DCDC2: variants seen among roughly 807,000 people sequenced by gnomAD.
The protein encoded by DCDC2 is doublecortin domain containing 2, also known as doublecortin domain-containing protein 2.
In DCDC2, 40 loss-of-function variants were observed where a neutral mutation model predicts 50.2. The ratio of observed to expected loss-of-function variants is 0.80; its 90% CI spans 0.62 to 1.04. The LOEUF (loss-of-function observed/expected upper bound fraction) is 1.04. Among genes scored for constraint, DCDC2 ranks in the 50% least tolerant of loss-of-function variants. DCDC2 has a pLI of 0.00. For missense variants in DCDC2, 570 were observed against 581.9 expected (o/e 0.98, Z 0.21); for synonymous variants, 234 against 210.6 (o/e 1.11, Z -0.96).
intron 2 of DCDC2, among the ~76,000 whole-genome samples, chr6:24,333,500 T>A (rs900159432): frequency 6.6e-6 from 1 of 152,170 alleles, no homozygotes; most frequent in Non-Finnish European, 1.5e-5. Flanking sequence ...ACAGTACTTA[T>A]CTTTGCTATC....
chr6:24,281,316 A>G (rs1161245411), intron 6 of DCDC2, among the ~76,000 whole-genome samples: 1 of 151,820 alleles, frequency 6.6e-6, no homozygotes, highest in Non-Finnish European at 1.5e-5. Flanking sequence ...ATTGTTTTGT[A>G]ATTAGAAAAT....
intron 6 of DCDC2, among the ~76,000 whole-genome samples, chr6:24,288,205 A>G (rs997906846): frequency 6.6e-6 from 1 of 152,222 alleles, no homozygotes; most frequent in Non-Finnish European, 1.5e-5. Context: ...CAATTCAACC[A>G]AAAGGGAAGA....
chr6:24,365,698 T>A, the DCDC2 span: 1 of 152,232 alleles, frequency 6.6e-6, no homozygotes, highest in Non-Finnish European at 1.5e-5. Flanking sequence ...CAGATAAGAT[T>A]AGCATAAGTT....
At chr6:24,236,989 A>G (rs1392789907) in intron 7 of DCDC2, among the ~76,000 whole-genome samples, 1 of 149,258 alleles carries the variant, frequency 6.7e-6, no homozygotes, top group Non-Finnish European at 1.5e-5. Context: ...AGCCTGGGCT[A>G]CAAGAGCAAA....
At position 24,184,762 on chromosome 6, in the gene DCDC2, T is replaced by C. The variant is rs868708621; in HGVS notation, c.1024-6130A>G. Among the ~76,000 whole-genome samples, 6 of 152,282 alleles carry C rather than the reference T, an allele frequency of 3.9e-5. No homozygotes were observed. The South Asian group carries it at 1.2e-3, about 32-fold the overall frequency. Reference sequence around the variant, plus strand: ...TAATGGCCAATAGGAACAGATTTCTTTTTAAATTACCTCTGAAAATTGGAT... The same window carrying C: ...TAATGGCCAATAGGAACAGATTTCTCTTTAAATTACCTCTGAAAATTGGAT... On this transcript the variant is annotated intron_variant, in intron 8 of 9. Transcript: ENST00000378454.
At chr6:24,253,159 G>A (rs1455208267) in intron 7 of DCDC2, among the ~76,000 whole-genome samples, 1 of 151,836 alleles carries the variant, frequency 6.6e-6, no homozygotes, top group Admixed American at 6.6e-5. Flanking sequence ...CTCAAAGAAA[G>A]CTGAAGAAAG....
At chr6:24,380,463 T>A in the DCDC2 span, among the ~76,000 whole-genome samples, 1 of 152,172 alleles carries the variant, frequency 6.6e-6, no homozygotes, top group Non-Finnish European at 1.5e-5. Flanking sequence ...TGAAGAAATG[T>A]CTAAACATCA....
chr6:24,367,660 G>A, the DCDC2 span, among the ~76,000 whole-genome samples: 19 of 152,262 alleles, frequency 1.2e-4, no homozygotes, highest in South Asian at 2.5e-3. Flanking sequence ...GTTCTCAGAT[G>A]GCTGACAGAA....
intron 7 of DCDC2, among the ~76,000 whole-genome samples, chr6:24,220,873 A>AGCGAGAGAGT (rs1554146309): frequency 1.7e-4 from 24 of 143,764 alleles, no homozygotes; most frequent in East Asian, 4.1e-4. Context: ...AGAGAGCAAG[A>AGCGAGAGAGT]GAGCGAGAGC....
chr6:24,380,934 C>A, the DCDC2 span, among the ~76,000 whole-genome samples: 3 of 151,940 alleles, frequency 2.0e-5, no homozygotes, highest in East Asian at 5.8e-4. Context: ...AATTAAAAAA[C>A]TAACCAGGTG....
At chr6:24,241,080 G>A (rs1335413309) in intron 7 of DCDC2, among the ~76,000 whole-genome samples, 1 of 152,204 alleles carries the variant, frequency 6.6e-6, no homozygotes, top group East Asian at 1.9e-4. Context: ...AATACAGGCG[G>A]AAGTTTTACC....
intron 6 of DCDC2, among the ~76,000 whole-genome samples, chr6:24,281,021 A>T (rs959477841): frequency 6.6e-6 from 1 of 152,102 alleles, no homozygotes; most frequent in Non-Finnish European, 1.5e-5. Context: ...AGCATTACTC[A>T]CAAAGGGGCA....
intron 7 of DCDC2, among the ~76,000 whole-genome samples, chr6:24,250,389 A>G (rs1177123200): frequency 1.3e-5 from 2 of 152,232 alleles, no homozygotes; most frequent in African/African-American, 4.8e-5. Context: ...ACGGCTGGCT[A>G]AAACAGAGCA....
chr6:24,266,907 G>A (rs1032012621), intron 7 of DCDC2, among the ~76,000 whole-genome samples: 10 of 152,098 alleles, frequency 6.6e-5, no homozygotes, highest in Non-Finnish European at 8.8e-5. Flanking sequence ...AGAAAGCTAC[G>A]TGCTCATCAA....
chr6:24,332,470 A>G (rs1759984096), intron 2 of DCDC2, among the ~76,000 whole-genome samples: 1 of 152,202 alleles, frequency 6.6e-6, no homozygotes, highest in Non-Finnish European at 1.5e-5. Flanking sequence ...CCACTCATGC[A>G]TGTGTAACAG....
intron 7 of DCDC2, among the ~76,000 whole-genome samples, chr6:24,265,593 A>G (rs1763101434): frequency 6.6e-6 from 1 of 152,198 alleles, no homozygotes; most frequent in South Asian, 2.1e-4. Flanking sequence ...ATAAAACTAG[A>G]AATCAGTAAC....
At chr6:24,236,807 C>G (rs1762449436) in intron 7 of DCDC2, among the ~76,000 whole-genome samples, 1 of 152,058 alleles carries the variant, frequency 6.6e-6, no homozygotes, top group Non-Finnish European at 1.5e-5. Context: ...GTCAGGAGTT[C>G]AAGACCAGCC....
At chr6:24,372,336 G>A in the DCDC2 span, among the ~76,000 whole-genome samples, 1 of 151,876 alleles carries the variant, frequency 6.6e-6, no homozygotes, top group Non-Finnish European at 1.5e-5. Flanking sequence ...GGAGAATGGC[G>A]TGAACCCGGG....
Position 24,227,119 on chromosome 6 carries a change from A to C in DCDC2, c.923-22017T>G, listed in dbSNP as rs185759470. Among the ~76,000 whole-genome samples, 21 of 152,346 alleles carry C rather than the reference A, an allele frequency of 1.4e-4. No homozygotes were observed. The East Asian group carries it at 4.1e-3, about 29-fold the overall frequency. On this transcript the variant is annotated intron_variant, in intron 7 of 9. Transcript: ENST00000378454. Reference sequence around the variant, plus strand: ...GAAAAGCAGCAGACGGGAGTATGACAAAAACTAAAGGAAGGGCATTTGAGA... The same window carrying C: ...GAAAAGCAGCAGACGGGAGTATGACCAAAACTAAAGGAAGGGCATTTGAGA...
Sources: gnomAD v4.1 joint callset for allele counts (sites outside exome capture counted in the v4.1 genomes callset) on GRCh38, gnomAD v4.1.1 for gene constraint, MANE v1.5 for transcripts, NCBI Gene and HGNC (gene_info 2026-07-23, HGNC 2026-07-21) for gene names.